The following DNAH3 variants were observed in gnomAD, a reference collection of about 807,000 sequenced individuals.
DNAH3 encodes the protein axonemal beta dynein heavy chain 3.
DNAH3 carries 332 observed loss-of-function variants against 432.5 expected under a neutral mutation model. That is an observed-to-expected ratio of 0.77 (90% CI 0.70 to 0.84). The LOEUF (loss-of-function observed/expected upper bound fraction) is 0.84, where lower values mean the gene tolerates loss of function less well. Among genes scored for constraint, DNAH3 ranks in the 40% least tolerant of loss-of-function variants. The probability of loss-of-function intolerance (pLI) is 0.00; values close to 1 mark genes in which losing one functional copy is unlikely to be tolerated. For missense variants in DNAH3, 4,861 were observed against 5,114.0 expected, an observed-to-expected ratio of 0.95 and a Z score of 1.51; for synonymous variants, 1,956 against 1,900.2, an observed-to-expected ratio of 1.03 and a Z score of -0.76.
At chr16:20,934,729 A>G (rs146394798) in intron 61 of DNAH3, among the ~76,000 whole-genome samples, 85 of 152,162 alleles carry the variant, frequency 5.6e-4, no homozygotes, top group African/African-American at 2.0e-3. Flanking sequence ...ATCAAGAAAG[A>G]TGGTTTTATC....
intron 55 of DNAH3, 27 bp from the exon 56 acceptor site, chr16:20,952,576 T>C (rs772532168): frequency 2.1e-6 from 3 of 1,421,644 alleles, no homozygotes; most frequent in Admixed American, 1.7e-5. Context: ...AGAGAGAGGC[T>C]TCAGTGCTGA....
chr16:21,002,668 C>A (rs1344305681), intron 42 of DNAH3, among the ~76,000 whole-genome samples: 1 of 152,066 alleles, frequency 6.6e-6, no homozygotes, highest in Non-Finnish European at 1.5e-5. Flanking sequence ...ACCATGTTGG[C>A]CAGGCTGGTC....
chr16:21,122,013 CAA>C lies in DNAH3; in HGVS notation c.1514_1515del (p.Phe505Ter). On this transcript the variant is annotated frameshift_variant, in exon 10 of 62. Coordinates refer to ENST00000261383, the Ensembl canonical transcript of DNAH3. LOFTEE classifies it high-confidence loss of function. Reference sequence around the variant, plus strand: ...TCACGTATTAATTCCCAGCAGCCATCAAAAGATGGATTGAAGACAATAATGGG... The same window carrying C: ...TCACGTATTAATTCCCAGCAGCCATCAAGATGGATTGAAGACAATAATGGG... 1 of 1,613,818 alleles carries C rather than the reference CAA, an allele frequency of 6.2e-7. No individual in the cohort carries two copies.
chr16:20,999,451 T>C (rs1244169002), intron 43 of DNAH3, among the ~76,000 whole-genome samples: 1 of 152,180 alleles, frequency 6.6e-6, no homozygotes, highest in Non-Finnish European at 1.5e-5. Context: ...TCAGGCAATA[T>C]TTCCTCTGAA....
intron 16 of DNAH3, among the ~76,000 whole-genome samples, chr16:21,102,161 A>G (rs570127250): frequency 2.0e-4 from 31 of 152,280 alleles, no homozygotes; most frequent in African/African-American, 7.5e-4. Flanking sequence ...TGCCCTGCTG[A>G]GCCTCTTCTA....
chr16:20,982,672 G>C (rs546154530), intron 49 of DNAH3, 49 bp downstream of exon 49: 7 of 1,503,642 alleles, frequency 4.7e-6, no homozygotes, highest in Non-Finnish European at 5.4e-6. Context: ...CCAGCGTCTG[G>C]ACTTCAAATT....
intron 19 of DNAH3, among the ~76,000 whole-genome samples, chr16:21,082,197 G>A (rs867382431): frequency 2.6e-5 from 4 of 151,870 alleles, no homozygotes; most frequent in Admixed American, 6.6e-5. Flanking sequence ...GCCACACCCA[G>A]CTAATTTTAA....
chr16:21,013,143 A>C (rs2152703824), intron 41 of DNAH3, among the ~76,000 whole-genome samples: 1 of 152,292 alleles, frequency 6.6e-6, no homozygotes, highest in East Asian at 1.9e-4. Flanking sequence ...AAGGAAGCAG[A>C]ACAGAAGAAA....
At chr16:21,032,035 G>GCA (rs2088905703) in intron 36 of DNAH3, among the ~76,000 whole-genome samples, 1 of 144,038 alleles carries the variant, frequency 6.9e-6, no homozygotes, top group Non-Finnish European at 1.5e-5. Context: ...ACTCTGTCTC[G>GCA]AAAAAAAAAA....
rs2088856612 is a variant in DNAH3, at chr16:21,031,246, G to A, written c.5238C>T (p.Ile1746=). ...GCCCCATCGTGATAGCCTTGGGGTT[G>A]ATGATCTTGTACTCCACAGCAAACT... Residue 1746 remains isoleucine, a synonymous_variant, in exon 37 of 62, where the codon ATC becomes ATT. Coordinates refer to ENST00000261383, the Ensembl canonical transcript of DNAH3. 2 of 1,614,046 alleles carry A rather than the reference G, an allele frequency of 1.2e-6. 1 individual carries two copies.
exon 60 of DNAH3, chr16:20,936,680 G>T (rs771901618): frequency 6.2e-7 from 1 of 1,604,494 alleles, no homozygotes; most frequent in Non-Finnish European, 8.5e-7. Context: ...CAGCAGGTCA[G>T]CCACGTAGCC....
intron 43 of DNAH3, among the ~76,000 whole-genome samples, chr16:20,999,125 T>G (rs1239951147): frequency 6.6e-6 from 1 of 152,020 alleles, no homozygotes; most frequent in Non-Finnish European, 1.5e-5. Flanking sequence ...AGTGGTGGCA[T>G]GTGCCTGTAG....
At chr16:20,980,658 G>A (rs894415456) in intron 49 of DNAH3, among the ~76,000 whole-genome samples, 5 of 151,928 alleles carry the variant, frequency 3.3e-5, no homozygotes, top group African/African-American at 1.2e-4. Flanking sequence ...AAAGTGCTGG[G>A]ATTATAGGCA....
Position 21,039,993 on chromosome 16 carries a change from A to T in DNAH3, c.4639-50T>A, listed in dbSNP as rs749003890. The T allele has an allele frequency of 1.3e-5, 18 of 1,432,474 alleles. No individual in the cohort carries two copies. In the East Asian group the frequency reaches 3.6e-4, roughly 29 times the overall value. 88.7% of individuals were successfully genotyped at this position (1,432,474 alleles called of 1,614,324 possible). Reference sequence around the variant, plus strand: ...ATCGGAACACGTGCAGTGAATACTGAGGGAACGCACATTCACAGAAGCAAA... The same window carrying T: ...ATCGGAACACGTGCAGTGAATACTGTGGGAACGCACATTCACAGAAGCAAA... On this transcript the variant is annotated intron_variant, in intron 32 of 61. Transcript: ENST00000261383.
intron 11 of DNAH3, among the ~76,000 whole-genome samples, chr16:21,117,721 G>T (rs2092239830): frequency 6.6e-6 from 1 of 152,194 alleles, no homozygotes; most frequent in Admixed American, 6.5e-5. Flanking sequence ...TGTTCTAGGT[G>T]TGTCATAGAA....
chr16:20,977,504 G>C (rs900982449), intron 50 of DNAH3, among the ~76,000 whole-genome samples: 1 of 152,196 alleles, frequency 6.6e-6, no homozygotes, highest in Non-Finnish European at 1.5e-5. Context: ...CAGACAAACA[G>C]GGTTGGGTTT....
chr16:20,990,914 G>A (rs576101726), intron 44 of DNAH3, among the ~76,000 whole-genome samples: 11 of 152,160 alleles, frequency 7.2e-5, no homozygotes, highest in African/African-American at 2.4e-4. Flanking sequence ...CCAACTACTC[G>A]GGAGGTTGAG....
chr16:20,964,674 G>A (rs374574768), exon 53 of DNAH3: 2 of 1,614,196 alleles, frequency 1.2e-6, no homozygotes. Context: ...TGGATACAAT[G>A]ATGCCATTGT....
chr16:21,077,855 C>T (rs181895193), intron 20 of DNAH3, among the ~76,000 whole-genome samples: 108 of 152,278 alleles, frequency 7.1e-4, no homozygotes, highest in African/African-American at 2.5e-3. Context: ...GTGACATGTC[C>T]AAAATCACAG....
Sources: allele counts gnomAD v4.1 joint callset (sites outside exome capture counted in the v4.1 genomes callset), GRCh38; gene constraint gnomAD v4.1.1; transcripts MANE v1.5; gene names NCBI Gene and HGNC (gene_info 2026-07-23, HGNC 2026-07-21).